AXDND1: variants seen among roughly 807,000 people sequenced by gnomAD.
The protein encoded by AXDND1 is axonemal dynein light chain domain containing 1, also known as axonemal dynein light chain domain-containing protein 1.
Under a neutral mutation model 137.5 loss-of-function variants are expected in AXDND1, and 110 were observed. The ratio of observed to expected loss-of-function variants is 0.80; its 90% confidence interval spans 0.69 to 0.94. The LOEUF is 0.94. AXDND1 is among the 40% of genes least tolerant of loss of function. AXDND1 has a pLI of 0.00. For synonymous variants in AXDND1, 414 were observed against 399.7 expected, an observed-to-expected ratio of 1.04 and a Z score of -0.43; for missense variants, 1,191 against 1,169.8, an observed-to-expected ratio of 1.02 and a Z score of -0.26.
chr1:179,529,398 G>A (rs561538276), intron 23 of AXDND1, among the ~76,000 whole-genome samples: 1 of 152,354 alleles, frequency 6.6e-6, no homozygotes, highest in African/African-American at 2.4e-5. Context: ...TCACTGATGT[G>A]AGGCAAATTG....
intron 4 of AXDND1, among the ~76,000 whole-genome samples, chr1:179,371,736 A>T (rs1668060754): frequency 6.6e-6 from 1 of 152,174 alleles, no homozygotes; most frequent in South Asian, 2.1e-4. Context: ...AAGGAAGAGG[A>T]CAGCTTTGAC....
chr1:179,439,122 T>C (rs1337716038), intron 15 of AXDND1, among the ~76,000 whole-genome samples: 1 of 152,122 alleles, frequency 6.6e-6, no homozygotes, highest in Non-Finnish European at 1.5e-5. Flanking sequence ...CAATCCACAA[T>C]GTCTCCAGTT....
intron 18 of AXDND1, among the ~76,000 whole-genome samples, chr1:179,489,034 A>G (rs1165326942): frequency 1.4e-5 from 2 of 147,622 alleles, no homozygotes; most frequent in Admixed American, 6.7e-5. Flanking sequence ...CACCTGGCAC[A>G]TTTATTTCTT....
intron 12 of AXDND1, among the ~76,000 whole-genome samples, chr1:179,423,656 TAA>T (rs1030866671): frequency 6.6e-6 from 1 of 151,852 alleles, no homozygotes; most frequent in Non-Finnish European, 1.5e-5. Flanking sequence ...CAGGTTTTTT[TAA>T]AAAAAGAGAT....
At chr1:179,465,616 C>G (rs1276274173) in intron 16 of AXDND1, among the ~76,000 whole-genome samples, 1 of 152,200 alleles carries the variant, frequency 6.6e-6, no homozygotes, top group Non-Finnish European at 1.5e-5. Context: ...ATCTCAAACT[C>G]TGTGCTGGGA....
intron 6 of AXDND1, 38 bp from the exon 7 acceptor site, chr1:179,382,662 T>G: frequency 6.6e-7 from 1 of 1,504,988 alleles, no homozygotes; most frequent in Non-Finnish European, 9.2e-7. Context: ...GCCAGAAAAT[T>G]TTCTTAAAAT....
chr1:179,418,698 C>T (rs1457969950), intron 12 of AXDND1, among the ~76,000 whole-genome samples: 13 of 150,970 alleles, frequency 8.6e-5, no homozygotes, highest in South Asian at 6.3e-4. Flanking sequence ...CCGGACGGGG[C>T]GGCTGGCCGG....
intron 21 of AXDND1, among the ~76,000 whole-genome samples, chr1:179,511,467 G>A (rs1471415033): frequency 6.6e-6 from 1 of 151,426 alleles, no homozygotes; most frequent in Non-Finnish European, 1.5e-5. Flanking sequence ...GTTGATTGAT[G>A]GGCATTTGGG....
intron 16 of AXDND1, chr1:179,451,441 A>T (rs911210217): frequency 1.3e-5 from 2 of 151,896 alleles, no homozygotes; most frequent in Non-Finnish European, 2.9e-5. Context: ...TTGAGTCTTA[A>T]TTTTTTCTTG....
At chr1:179,458,869 T>A (rs889466498) in intron 16 of AXDND1, among the ~76,000 whole-genome samples, 3 of 151,914 alleles carry the variant, frequency 2.0e-5, no homozygotes, top group Non-Finnish European at 4.4e-5. Context: ...TTTTATTTTT[T>A]TTTTGGTGGT....
chr1:179,514,836 A>C (rs183671242), intron 21 of AXDND1, among the ~76,000 whole-genome samples: 1 of 152,126 alleles, frequency 6.6e-6, no homozygotes, highest in East Asian at 1.9e-4. Context: ...TGTCTCTTCA[A>C]CTGCTGTTGC....
intron 21 of AXDND1, among the ~76,000 whole-genome samples, chr1:179,516,857 G>T (rs1036878456): frequency 6.6e-6 from 1 of 152,182 alleles, no homozygotes; most frequent in Admixed American, 6.5e-5. Flanking sequence ...TAGTGGAGGT[G>T]GCAGCGGGGG....
chr1:179,389,890 G>A (rs1649870199), intron 9 of AXDND1, among the ~76,000 whole-genome samples: 1 of 152,100 alleles, frequency 6.6e-6, no homozygotes, highest in African/African-American at 2.4e-5. Flanking sequence ...TAAACTCCCT[G>A]CCACTTTCAG....
At chr1:179,509,234 C>T (rs1668800031) in intron 20 of AXDND1, 62 bp from the exon 21 acceptor site, 1 of 1,004,868 alleles carries the variant, frequency 1.0e-6, no homozygotes, top group African/African-American at 1.6e-5. Flanking sequence ...ATCAGTTCCT[C>T]AATAGCGGTG....
At chr1:179,376,843 G>A (rs1248481376) in intron 4 of AXDND1, among the ~76,000 whole-genome samples, 1 of 152,030 alleles carries the variant, frequency 6.6e-6, no homozygotes, top group East Asian at 1.9e-4. Context: ...CTTACAATAT[G>A]GTTAATAAAT....
At chr1:179,377,734 T>C (rs1281072338) in intron 4 of AXDND1, among the ~76,000 whole-genome samples, 1 of 152,136 alleles carries the variant, frequency 6.6e-6, no homozygotes, top group Non-Finnish European at 1.5e-5. Flanking sequence ...AACTTGGCAG[T>C]GGTAATCACC....
intron 16 of AXDND1, among the ~76,000 whole-genome samples, chr1:179,457,752 A>G (rs1484754342): frequency 6.6e-6 from 1 of 152,226 alleles, no homozygotes; most frequent in Non-Finnish European, 1.5e-5. Context: ...ACAAAGCAAG[A>G]GATATTCACA....
rs112256524 is a variant in AXDND1, at chr1:179,411,040, A to C, written c.1110-106A>C. On this transcript the variant is annotated intron_variant, in intron 11 of 25. Coordinates refer to ENST00000367618, the MANE Select transcript of AXDND1 (RefSeq NM_144696.6). ...CCATAATTACCTTATGATGAGTTTT[A>C]AAGGAACACATTACCTATTTTAAAA... 4.6e-3 allele frequency: 4,024 copies of C among 868,568 alleles called. 88 individuals are homozygous for C. The African/African-American group carries it at 0.058, about 13-fold the overall frequency. 53.8% of individuals were successfully genotyped at this position (868,568 alleles called of 1,614,324 possible). A position where few individuals can be genotyped will look rare whatever the true frequency, so the allele number is the denominator to read the frequency against.
chr1:179,518,555 C>T (rs977680188), intron 21 of AXDND1, among the ~76,000 whole-genome samples: 2 of 152,058 alleles, frequency 1.3e-5, no homozygotes, highest in African/African-American at 2.4e-5. Flanking sequence ...CTCCACCATC[C>T]GAAAGGCCCC....
Sources: allele counts gnomAD v4.1 joint callset (sites outside exome capture counted in the v4.1 genomes callset), GRCh38; gene constraint gnomAD v4.1.1; transcripts MANE v1.5; gene names NCBI Gene and HGNC (gene_info 2026-07-23, HGNC 2026-07-21).